The following KLB variants were observed in gnomAD, a reference collection of about 807,000 sequenced individuals.
KLB encodes klotho beta, also known as beta-klotho.
In KLB, 44 loss-of-function variants were observed where a neutral mutation model predicts 88.4. The observed-to-expected ratio is 0.50, with a 90% confidence interval of 0.39 to 0.64. The LOEUF (loss-of-function observed/expected upper bound fraction) is 0.64, where lower values mean the gene tolerates loss of function less well. Among genes scored for constraint, KLB ranks in the 30% least tolerant of loss-of-function variants. The pLI is 0.00. For synonymous variants in KLB, 548 were observed against 513.4 expected (o/e 1.07, Z -0.91); for missense variants, 1,137 against 1,304.8 (o/e 0.87, Z 1.98).
chr4:39,439,110 G>A (rs1042683070), intron 3 of KLB, among the ~76,000 whole-genome samples: 7 of 150,298 alleles, frequency 4.7e-5, no homozygotes, highest in South Asian at 2.1e-4. Context: ...TCAAGTGATC[G>A]TCCCACCTCA....
chr4:39,418,854 A>C (rs2109824129), intron 1 of KLB, among the ~76,000 whole-genome samples: 1 of 151,662 alleles, frequency 6.6e-6, no homozygotes, highest in South Asian at 2.1e-4. Flanking sequence ...AGGCTGAGGC[A>C]GGAGAATCGC....
chr4:39,449,634 T>C lies in KLB; in HGVS notation c.*948T>C, dbSNP rs980792126. On this transcript the variant is annotated 3_prime_UTR_variant, in exon 5 of 5. Coordinates refer to ENST00000257408, the MANE Select transcript of KLB (RefSeq NM_175737.4). ...TACTAGATCTGATTTTTTAAAATAA[T>C]GTAATTTCCGGCCAGGCACGGTGGC... 2 of 152,074 alleles carry C rather than the reference T, an allele frequency of 1.3e-5. No homozygotes were observed. Among genetic ancestry groups the C allele is most frequent in the Non-Finnish European group, 2.9e-5 (2 of 68,014 alleles). The allele number at this position is 152,074 out of a possible 1,614,324, so 9.4% of individuals were successfully genotyped here. A position where few individuals can be genotyped will look rare whatever the true frequency, so the allele number is the denominator to read the frequency against.
chr4:39,410,097 T>A (rs1025595128), intron 1 of KLB, among the ~76,000 whole-genome samples: 1 of 152,192 alleles, frequency 6.6e-6, no homozygotes, highest in Non-Finnish European at 1.5e-5. Flanking sequence ...ATGAATATGT[T>A]TATTTAACCT....
chr4:39,426,917 G>C (rs1263566070), intron 1 of KLB, among the ~76,000 whole-genome samples: 1 of 151,958 alleles, frequency 6.6e-6, no homozygotes, highest in Admixed American at 6.6e-5. Flanking sequence ...TTGAACTCCT[G>C]GCCTCAAGTG....
At chr4:39,432,150 G>T (rs1743379157) in intron 1 of KLB, among the ~76,000 whole-genome samples, 1 of 152,130 alleles carries the variant, frequency 6.6e-6, no homozygotes, top group Non-Finnish European at 1.5e-5. Context: ...AACTGGGCAT[G>T]GTGGTGCTCA....
rs201271983 is a variant in KLB at position 39,447,410 on chromosome 4, A to G, written c.2684A>G (p.Gln895Arg). 5.0e-5 allele frequency: 80 copies of G among 1,612,768 alleles called. No homozygotes were observed. The highest frequency in any genetic ancestry group is 6.8e-6 in the Non-Finnish European group (8 of 1,179,544). The change falls in exon 4 of 5, where the codon CAG becomes CGG. Residue 895 changes from glutamine (Q) to arginine (R), a missense_variant. Around this residue, in one of 4 missense-constraint regions of KLB, gnomAD observed 426 missense variants for 404.6 expected, o/e 1.05. Coordinates refer to ENST00000257408, the MANE Select transcript of KLB (RefSeq NM_175737.4). ...ATCACCGCCAGTGGCATCGACGACCAGGCTCTGGAGGATGACCGGCTCCGG... is the reference window on the plus strand; with the variant it reads ...ATCACCGCCAGTGGCATCGACGACCGGGCTCTGGAGGATGACCGGCTCCGG... ...IYITASGIDDQALEDDRLRKY... is the reference protein window; with the variant it reads ...IYITASGIDDRALEDDRLRKY...
At chr4:39,425,531 G>T (rs1743186979) in intron 1 of KLB, among the ~76,000 whole-genome samples, 1 of 152,124 alleles carries the variant, frequency 6.6e-6, no homozygotes, top group African/African-American at 2.4e-5. Flanking sequence ...GCCTTGACCT[G>T]CTGGACTCAA....
intron 1 of KLB, among the ~76,000 whole-genome samples, chr4:39,413,489 C>A (rs1742903727): frequency 6.6e-6 from 1 of 151,976 alleles, no homozygotes; most frequent in South Asian, 2.1e-4. Context: ...GGAAGAAGAT[C>A]CCTTGAGCCC....
intron 1 of KLB, among the ~76,000 whole-genome samples, chr4:39,418,944 TAAAA>T (rs35661811): frequency 8.6e-6 from 1 of 116,890 alleles, no homozygotes. Context: ...ATGCCATCTC[TAAAA>T]AAAAAAAAAA....
Position 39,407,057 on chromosome 4 carries a change from A to G in KLB, c.108A>G (p.Gln36=). 6.2e-7 allele frequency: 1 copy of G among 1,614,090 alleles called. No individual in the cohort carries two copies. Among genetic ancestry groups the G allele is most frequent in the Non-Finnish European group, 8.5e-7 (1 of 1,179,938 alleles). The change falls in exon 1 of 5, where the codon CAA becomes CAG. Residue 36 remains glutamine (Q), a synonymous_variant. Coordinates refer to ENST00000257408, the MANE Select transcript of KLB (RefSeq NM_175737.4). ...YRNTMSNGGL[Q]RSVILSALIL... is the part of the protein sequence containing the mutation. ...ATACAATGTCCAACGGGGGATTGCA[A>G]AGATCTGTCATCCTGTCAGCACTTA...
Position 39,448,821 on chromosome 4 carries a change from T to A in KLB, c.*135T>A, listed in dbSNP as rs1743823142. On this transcript the variant is annotated 3_prime_UTR_variant, in exon 5 of 5. Transcript: ENST00000257408. ...TAACCAAGGTGATGACAATTGTCTC[T>A]GCTGTGTGGTTCAAAGAACATTCCC... 1 of 839,074 alleles carries A rather than the reference T, an allele frequency of 1.2e-6. No homozygotes were observed. Among genetic ancestry groups the A allele is most frequent in the African/African-American group, 1.7e-5 (1 of 58,380 alleles). 52.0% of individuals were successfully genotyped at this position (839,074 alleles called of 1,614,324 possible). A position where few individuals can be genotyped will look rare whatever the true frequency, so the allele number is the denominator to read the frequency against.
intron 3 of KLB, chr4:39,441,704 A>G (rs903543387): frequency 4.6e-5 from 7 of 152,120 alleles, no homozygotes; most frequent in Non-Finnish European, 1.0e-4. Flanking sequence ...CTTGCTGGTT[A>G]CAACCAGTTA....
chr4:39,420,137 C>A (rs1230697996), intron 1 of KLB, among the ~76,000 whole-genome samples: 1 of 151,834 alleles, frequency 6.6e-6, no homozygotes, highest in Non-Finnish European at 1.5e-5. Context: ...AGTAGTGTTA[C>A]TTGAAAATGT....
intron 1 of KLB, among the ~76,000 whole-genome samples, chr4:39,430,144 A>G (rs1743312881): frequency 6.6e-6 from 1 of 152,194 alleles, no homozygotes; most frequent in Non-Finnish European, 1.5e-5. Context: ...CTTTCATATA[A>G]TCACTGAAAT....
intron 3 of KLB, among the ~76,000 whole-genome samples, chr4:39,445,639 G>C (rs1743722904): frequency 6.6e-6 from 1 of 150,938 alleles, no homozygotes; most frequent in Non-Finnish European, 1.5e-5. Flanking sequence ...AGAGTAGCTG[G>C]GATTACAAGC....
At chr4:39,413,418 A>G (rs1228342320) in intron 1 of KLB, among the ~76,000 whole-genome samples, 1 of 152,156 alleles carries the variant, frequency 6.6e-6, no homozygotes, top group African/African-American at 2.4e-5. Context: ...ACTCCACTAA[A>G]TATTGCCAAA....
Position 39,407,502 on chromosome 4 carries a change from A to G in KLB, c.553A>G (p.Arg185Gly), listed in dbSNP as rs756649581. ...YSTLLDALVL[R>G]NIEPIVTLYH... ...TACTCTTCTGGACGCTCTAGTGCTT[A>G]GAAACATTGAACCTATAGTTACTTT... is the stretch of plus-strand genomic sequence containing the variant. The change falls in exon 1 of 5, where the codon AGA becomes GGA. Residue 185 changes from arginine to glycine, a missense_variant. Coordinates refer to ENST00000257408, the MANE Select transcript of KLB (RefSeq NM_175737.4). 1 of 1,614,226 alleles carries G rather than the reference A, an allele frequency of 6.2e-7. No homozygotes were observed. The highest frequency in any genetic ancestry group is 8.5e-7 in the Non-Finnish European group (1 of 1,180,024).
At chr4:39,409,741 C>T (rs1386596387) in intron 1 of KLB, among the ~76,000 whole-genome samples, 1 of 151,610 alleles carries the variant, frequency 6.6e-6, no homozygotes, top group African/African-American at 2.4e-5. Context: ...GCCTCGCCAA[C>T]ATAGTGAAAC....
chr4:39,426,619 A>C (rs1036589718), intron 1 of KLB, among the ~76,000 whole-genome samples: 3 of 152,160 alleles, frequency 2.0e-5, no homozygotes, highest in African/African-American at 7.2e-5. Context: ...TAATTAAAGA[A>C]ATAATTGTCA....
Sources: gnomAD v4.1 joint callset for allele counts (sites outside exome capture counted in the v4.1 genomes callset) on GRCh38, gnomAD v4.1.1 for gene constraint, gnomAD v4.1.1 regional missense constraint, MANE v1.5 for transcripts, NCBI Gene and HGNC (gene_info 2026-07-23, HGNC 2026-07-21) for gene names.